Variants in CACNA2D3 observed in about 807,000 individuals in gnomAD.
CACNA2D3 encodes the protein voltage-dependent calcium channel subunit alpha-2/delta-3.
Under a neutral mutation model 160.6 loss-of-function variants are expected in CACNA2D3, and 60 were observed. The ratio of observed to expected loss-of-function variants is 0.37; its 90% CI spans 0.30 to 0.46. The LOEUF (loss-of-function observed/expected upper bound fraction) is 0.46, where lower values mean the gene tolerates loss of function less well. CACNA2D3 is among the 20% of genes least tolerant of loss of function. CACNA2D3 has a pLI of 1.00. For missense variants in CACNA2D3, 1,205 were observed against 1,365.0 expected, an observed-to-expected ratio of 0.88 and a Z score of 1.85; for synonymous variants, 558 against 492.9, an observed-to-expected ratio of 1.13 and a Z score of -1.75.
chr3:54,284,308 T>G, intron 2 of CACNA2D3, among the ~76,000 whole-genome samples: 1 of 151,360 alleles, frequency 6.6e-6, no homozygotes, highest in South Asian at 2.1e-4. Flanking sequence ...ATTAAAAAAA[T>G]TAAATAAAAT....
rs550263443 is a variant in CACNA2D3, at chr3:54,994,574, A to G, written c.2690+6821A>G. On this transcript the variant is annotated intron_variant, in intron 31 of 37. Coordinates refer to ENST00000474759, the MANE Select transcript of CACNA2D3 (RefSeq NM_018398.3). ...CTGCTGCTTGAGCATCCCCAGTTAC[A>G]GCAATAACAGTAACTGCCCTCATCT... Among the ~76,000 whole-genome samples the G allele has an allele frequency of 1.5e-3, 230 of 152,320 alleles. 1 individual carries two copies. The highest frequency in any genetic ancestry group is 2.7e-3 in the Non-Finnish European group (183 of 68,028).
chr3:54,914,332 A>T (rs1158687572), intron 27 of CACNA2D3, among the ~76,000 whole-genome samples: 1 of 152,178 alleles, frequency 6.6e-6, no homozygotes, highest in Admixed American at 6.5e-5. Flanking sequence ...CTTTGTCATG[A>T]TCTATTAGCA....
At chr3:54,921,827 T>C (rs961438676) in intron 27 of CACNA2D3, among the ~76,000 whole-genome samples, 3 of 152,194 alleles carry the variant, frequency 2.0e-5, no homozygotes, top group African/African-American at 7.2e-5. Flanking sequence ...ACAGATTTTA[T>C]TGCATATATA....
At chr3:54,593,013 A>G (rs1156313216) in intron 9 of CACNA2D3, among the ~76,000 whole-genome samples, 1 of 152,230 alleles carries the variant, frequency 6.6e-6, no homozygotes, top group African/African-American at 2.4e-5. Context: ...ATAAGCAGAA[A>G]GTAGCCCTTC....
chr3:55,074,394 C>CTATCTT lies in CACNA2D3; in HGVS notation c.*188_*189insTATCTT. The stretch of plus-strand genomic sequence containing the variant: ...GATATGTTGACAAAAAGTTATCTAT[C>CTATCTT]ATCTTTTTACTTTGCCAGTCATGCA... On this transcript the variant is annotated 3_prime_UTR_variant, in exon 38 of 38. Coordinates refer to ENST00000474759, the MANE Select transcript of CACNA2D3 (RefSeq NM_018398.3). 2.6e-6 allele frequency: 1 copy of CTATCTT among 379,226 alleles called. No individual in the cohort carries two copies. The highest frequency in any genetic ancestry group is 2.7e-5 in the African/African-American group (1 of 37,140). The allele number at this position is 379,226 out of a possible 1,614,324, so 23.5% of individuals were successfully genotyped here.
chr3:55,021,471 T>C (rs1001442607), intron 35 of CACNA2D3, among the ~76,000 whole-genome samples: 9 of 151,560 alleles, frequency 5.9e-5, no homozygotes, highest in Non-Finnish European at 8.8e-5. Flanking sequence ...TGAGTTTACA[T>C]TGTTTTTTTA....
At chr3:54,979,964 TTAATAACA>T (rs1702471553) in intron 29 of CACNA2D3, among the ~76,000 whole-genome samples, 2 of 152,310 alleles carry the variant, frequency 1.3e-5, no homozygotes, top group East Asian at 3.9e-4. Flanking sequence ...ATTATAACTA[TTAATAACA>T]TACAGTAAGC....
intron 3 of CACNA2D3, among the ~76,000 whole-genome samples, chr3:54,378,833 C>T (rs1699052860): frequency 6.6e-6 from 1 of 152,350 alleles, no homozygotes; most frequent in East Asian, 1.9e-4. Context: ...TTTCCATCTT[C>T]AGCAGCTTTG....
intron 2 of CACNA2D3, among the ~76,000 whole-genome samples, chr3:54,269,671 A>G (rs973245477): frequency 1.3e-5 from 2 of 152,230 alleles, no homozygotes; most frequent in Non-Finnish European, 2.9e-5. Context: ...GACAGTGGCC[A>G]GGGAAGATGT....
rs1193116286 is a variant in CACNA2D3, at chr3:54,534,526, G to C, written c.545-28274G>C. On this transcript the variant is annotated intron_variant, in intron 5 of 37. Coordinates refer to ENST00000474759, the MANE Select transcript of CACNA2D3 (RefSeq NM_018398.3). ...CATCTGCCTGGAAGCCTTTCCCGCT[G>C]TAATGGTATATGGCCTCTCTCTCTT... 3.3e-5 allele frequency among the ~76,000 whole-genome samples: 5 copies of C among 151,962 alleles called. No individual in the cohort carries two copies. The East Asian group carries it at 5.8e-4, about 18-fold the overall frequency.
chr3:55,064,118 C>T (rs889836710), intron 35 of CACNA2D3, among the ~76,000 whole-genome samples: 2 of 152,186 alleles, frequency 1.3e-5, no homozygotes, highest in Non-Finnish European at 2.9e-5. Flanking sequence ...GCTCAGCAGC[C>T]GCAGGGCTTC....
At chr3:54,284,805 A>G (rs1166293569) in intron 2 of CACNA2D3, among the ~76,000 whole-genome samples, 1 of 152,234 alleles carries the variant, frequency 6.6e-6, no homozygotes, top group Non-Finnish European at 1.5e-5. Flanking sequence ...ATGTTCTAAA[A>G]TAAGGGATTG....
At chr3:54,768,911 T>C (rs192997147) in intron 13 of CACNA2D3, among the ~76,000 whole-genome samples, 30 of 152,318 alleles carry the variant, frequency 2.0e-4, no homozygotes, top group African/African-American at 7.2e-4. Flanking sequence ...TTCTGAGGGT[T>C]CCTTCTCCTC....
At chr3:54,200,099 G>A (rs1701151142) in intron 2 of CACNA2D3, among the ~76,000 whole-genome samples, 1 of 152,226 alleles carries the variant, frequency 6.6e-6, no homozygotes, top group Non-Finnish European at 1.5e-5. Context: ...GGAATCGGAG[G>A]TATGTGGACA....
chr3:55,030,854 G>A (rs1014369750), intron 35 of CACNA2D3, among the ~76,000 whole-genome samples: 3 of 152,116 alleles, frequency 2.0e-5, no homozygotes, highest in Non-Finnish European at 4.4e-5. Context: ...TGTTTGGAGG[G>A]TTTTAGTACA....
intron 11 of CACNA2D3, among the ~76,000 whole-genome samples, chr3:54,697,524 A>G (rs1700686783): frequency 6.6e-6 from 1 of 152,242 alleles, no homozygotes; most frequent in Non-Finnish European, 1.5e-5. Context: ...ATTTTGATGG[A>G]ATCCTCACTC....
intron 9 of CACNA2D3, among the ~76,000 whole-genome samples, chr3:54,584,954 G>C (rs1702734847): frequency 6.6e-6 from 1 of 152,116 alleles, no homozygotes; most frequent in Non-Finnish European, 1.5e-5. Flanking sequence ...AGAAATAAAG[G>C]CATTCTCAAT....
At chr3:54,878,106 G>A (rs971419689) in intron 18 of CACNA2D3, among the ~76,000 whole-genome samples, 2 of 152,022 alleles carry the variant, frequency 1.3e-5, no homozygotes, top group Admixed American at 6.6e-5. Flanking sequence ...AGACAGCCTC[G>A]AATCAAATTT....
At chr3:54,985,477 A>G (rs1283534130) in intron 30 of CACNA2D3, among the ~76,000 whole-genome samples, 1 of 152,254 alleles carries the variant, frequency 6.6e-6, no homozygotes, top group Non-Finnish European at 1.5e-5. Context: ...AAGTAACGCC[A>G]TCACAGGAGG....
Sources: gnomAD v4.1 joint callset for allele counts (sites outside exome capture counted in the v4.1 genomes callset) on GRCh38, gnomAD v4.1.1 for gene constraint, MANE v1.5 for transcripts, NCBI Gene and HGNC (gene_info 2026-07-23, HGNC 2026-07-21) for gene names.